TUSC3: variants seen among roughly 807,000 people sequenced by gnomAD.
The protein encoded by TUSC3 is tumor suppressor candidate 3, also known as dolichyl-diphosphooligosaccharide--protein glycosyltransferase subunit TUSC3.
TUSC3 carries 45 observed loss-of-function variants against 44.8 expected under a neutral mutation model. The ratio of observed to expected loss-of-function variants is 1.00; its 90% CI spans 0.79 to 1.29. The LOEUF (loss-of-function observed/expected upper bound fraction) is 1.29. Ranked by LOEUF, TUSC3 falls within the 50% of genes most tolerant of loss-of-function variation. The pLI is 0.00. For synonymous variants in TUSC3, 212 were observed against 152.9 expected, an observed-to-expected ratio of 1.39 and a Z score of -2.85; for missense variants, 519 against 437.9, an observed-to-expected ratio of 1.19 and a Z score of -1.65.
intron 1 of TUSC3, among the ~76,000 whole-genome samples, chr8:15,460,283 T>A (rs1224238215): frequency 6.6e-6 from 1 of 152,156 alleles, no homozygotes; most frequent in Non-Finnish European, 1.5e-5. Context: ...GTTCCCTGAT[T>A]GTTAGTGATG....
intron 6 of TUSC3, among the ~76,000 whole-genome samples, chr8:15,707,064 C>T (rs970734786): frequency 5.3e-5 from 8 of 151,900 alleles, no homozygotes; most frequent in Admixed American, 6.6e-5. Context: ...TTTTGAGTTA[C>T]TATGTCTCAA....
At chr8:15,591,634 G>T (rs1803841487) in intron 1 of TUSC3, among the ~76,000 whole-genome samples, 1 of 152,190 alleles carries the variant, frequency 6.6e-6, no homozygotes. Context: ...GAGTGATTGG[G>T]AAAAGCTTTA....
At position 15,627,746 on chromosome 8, in the gene TUSC3, C is replaced by T. The variant is rs577075861; in HGVS notation, c.308+4497C>T. Among the ~76,000 whole-genome samples, 13 of 152,356 alleles carry T rather than the reference C, an allele frequency of 8.5e-5. No individual in the cohort carries two copies. The South Asian group carries it at 2.7e-3, about 32-fold the overall frequency. The stretch of plus-strand genomic sequence containing the variant: ...AGGGAGCTGGTGTCTCTTCCAGTTC[C>T]TGGAGCTGCACGCCCTGCTCTAGCC... On this transcript the variant is annotated intron_variant, in intron 2 of 10. Transcript: ENST00000503731.
At chr8:15,494,125 C>G (rs529224778) in intron 2 of TUSC3, among the ~76,000 whole-genome samples, 8 of 152,290 alleles carry the variant, frequency 5.3e-5, no homozygotes, top group African/African-American at 1.9e-4. Flanking sequence ...TGCTATTGTC[C>G]TCACAGTCTT....
At chr8:15,681,313 T>A (rs980256244) in intron 6 of TUSC3, among the ~76,000 whole-genome samples, 10 of 151,870 alleles carry the variant, frequency 6.6e-5, no homozygotes, top group Admixed American at 6.6e-4. Flanking sequence ...GGGCTTTTTT[T>A]GGTTAGTAGG....
intron 3 of TUSC3, among the ~76,000 whole-genome samples, chr8:15,653,073 C>T (rs1806988022): frequency 6.6e-6 from 1 of 152,200 alleles, no homozygotes; most frequent in South Asian, 2.1e-4. Flanking sequence ...TTAACAGAAA[C>T]ACTCATTTTT....
chr8:15,449,648 A>G (rs1207365891), intron 1 of TUSC3, among the ~76,000 whole-genome samples: 1 of 152,146 alleles, frequency 6.6e-6, no homozygotes, highest in Admixed American at 6.5e-5. Flanking sequence ...CTCCCATCCC[A>G]CAGGAATTCA....
intron 1 of TUSC3, among the ~76,000 whole-genome samples, chr8:15,581,107 C>T (rs1408945970): frequency 1.5e-5 from 2 of 131,954 alleles, no homozygotes; most frequent in Admixed American, 7.9e-5. Flanking sequence ...CAGTTGATCG[C>T]ATCGGCTCCT....
intron 1 of TUSC3, among the ~76,000 whole-genome samples, chr8:15,579,264 C>T (rs1231486395): frequency 2.2e-5 from 3 of 138,154 alleles, no homozygotes; most frequent in African/African-American, 7.9e-5. Context: ...TTTCAAAAAA[C>T]CAGCTCCTGG....
chr8:15,512,495 G>A (rs1801150661), intron 2 of TUSC3, among the ~76,000 whole-genome samples: 1 of 152,032 alleles, frequency 6.6e-6, no homozygotes, highest in Non-Finnish European at 1.5e-5. Context: ...TTCTCTGGCT[G>A]GGCACGGTGG....
At chr8:15,680,986 A>G (rs1322613434) in intron 6 of TUSC3, among the ~76,000 whole-genome samples, 1 of 152,018 alleles carries the variant, frequency 6.6e-6, no homozygotes, top group East Asian at 1.9e-4. Context: ...AATTTGCTAT[A>G]ATAATATTTT....
At chr8:15,453,339 T>C (rs1374805594) in intron 1 of TUSC3, among the ~76,000 whole-genome samples, 2 of 152,194 alleles carry the variant, frequency 1.3e-5, no homozygotes, top group Non-Finnish European at 2.9e-5. Flanking sequence ...AATAAGTATA[T>C]ATACTTATTC....
intron 2 of TUSC3, among the ~76,000 whole-genome samples, chr8:15,626,972 C>A (rs1456623258): frequency 2.9e-3 from 2 of 700 alleles, no homozygotes; most frequent in African/African-American, 0.016. Context: ...TTGGGAGGGC[C>A]TGAAGCCTGG....
At chr8:15,626,638 T>G (rs1805523145) in intron 2 of TUSC3, among the ~76,000 whole-genome samples, 2 of 152,128 alleles carry the variant, frequency 1.3e-5, no homozygotes, top group African/African-American at 4.8e-5. Context: ...CCCTGCAGGC[T>G]TGGAGATGTC....
intron 1 of TUSC3, among the ~76,000 whole-genome samples, chr8:15,575,733 C>G (rs1803074536): frequency 6.6e-6 from 1 of 152,152 alleles, no homozygotes; most frequent in Non-Finnish European, 1.5e-5. Flanking sequence ...TTCCACTGCA[C>G]TCCAGCTTGG....
At chr8:15,593,894 G>C (rs966575237) in intron 1 of TUSC3, among the ~76,000 whole-genome samples, 8 of 152,072 alleles carry the variant, frequency 5.3e-5, no homozygotes, top group Admixed American at 5.2e-4. Context: ...AATGTTAATT[G>C]TGAGGATCTG....
At chr8:15,744,314 C>T (rs1050219059) in intron 8 of TUSC3, among the ~76,000 whole-genome samples, 1 of 152,108 alleles carries the variant, frequency 6.6e-6, no homozygotes, top group South Asian at 2.1e-4. Flanking sequence ...AAGAGAAGAA[C>T]ACACAGGGAA....
chr8:15,656,693 T>C (rs1031001682), intron 3 of TUSC3, among the ~76,000 whole-genome samples: 2 of 152,186 alleles, frequency 1.3e-5, no homozygotes, highest in Non-Finnish European at 2.9e-5. Flanking sequence ...TGCTGTTGGC[T>C]CTGTAGTTTG....
At chr8:15,781,370 G>A in the TUSC3 span, among the ~76,000 whole-genome samples, 1 of 151,998 alleles carries the variant, frequency 6.6e-6, no homozygotes, top group Non-Finnish European at 1.5e-5. Flanking sequence ...TAATCTTCTG[G>A]GGCCCACGTA....
Sources: gnomAD v4.1 joint callset for allele counts (sites outside exome capture counted in the v4.1 genomes callset) on GRCh38, gnomAD v4.1.1 for gene constraint, MANE v1.5 for transcripts, NCBI Gene and HGNC (gene_info 2026-07-23, HGNC 2026-07-21) for gene names.